The following F13B variants were observed in gnomAD, a reference collection of about 807,000 sequenced individuals.
The protein encoded by F13B is coagulation factor XIII B chain, also known as TGase.
A neutral mutation model predicts 79.8 loss-of-function variants in F13B; 58 were observed. The observed-to-expected ratio is 0.73, with a 90% CI of 0.59 to 0.90. The LOEUF (loss-of-function observed/expected upper bound fraction) is 0.90. Among genes scored for constraint, F13B ranks in the 40% least tolerant of loss-of-function variants. The probability of loss-of-function intolerance (pLI) is 0.00; values close to 1 mark genes in which losing one functional copy is unlikely to be tolerated. For synonymous variants in F13B, 283 were observed against 260.3 expected (o/e 1.09, Z -0.84); for missense variants, 773 against 777.0 (o/e 0.99, Z 0.06).
chr1:197,045,618 C>T (rs910070747), intron 10 of F13B, among the ~76,000 whole-genome samples: 1 of 152,252 alleles, frequency 6.6e-6, no homozygotes, highest in Middle Eastern at 3.4e-3. Flanking sequence ...TGAAACTATT[C>T]CAATCAATAG....
chr1:197,045,523 C>T (rs1433163007), intron 10 of F13B, among the ~76,000 whole-genome samples: 1 of 151,916 alleles, frequency 6.6e-6, no homozygotes, highest in Non-Finnish European at 1.5e-5. Flanking sequence ...AATTAATAGC[C>T]TACAAATCAA....
intron 10 of F13B, among the ~76,000 whole-genome samples, chr1:197,042,544 C>T (rs1207123994): frequency 1.3e-4 from 20 of 150,674 alleles, no homozygotes; most frequent in Admixed American, 1.2e-3. Flanking sequence ...TGAGGCTGGG[C>T]GTGGTGACTC....
rs547096748 is a variant in F13B, at chr1:197,065,628, T to C, written c.64+1532A>G. Among the ~76,000 whole-genome samples, 3 of 152,248 alleles carry C rather than the reference T, an allele frequency of 2.0e-5. No individual in the cohort carries two copies. The East Asian group carries it at 5.8e-4, about 29-fold the overall frequency. Reference sequence around the variant, plus strand: ...CCATTCTGCAAAAGTAATCTCTCATTACAGAAATCAAGTACAAGAATAGAC... The same window carrying C: ...CCATTCTGCAAAAGTAATCTCTCATCACAGAAATCAAGTACAAGAATAGAC... On this transcript the variant is annotated intron_variant, in intron 1 of 11. Coordinates refer to ENST00000367412, the MANE Select transcript of F13B (RefSeq NM_001994.3).
Position 197,065,200 on chromosome 1 carries a change from G to T in F13B, c.64+1960C>A, listed in dbSNP as rs1242982813. Among the ~76,000 whole-genome samples the T allele has an allele frequency of 2.6e-5, 4 of 152,234 alleles. No individual in the cohort carries two copies. The East Asian group carries it at 7.7e-4, about 29-fold the overall frequency. ...GGGCACAGTTGCTTGTCAGGGAGGG[G>T]CAGCAAAGTATTCTCTGCACAACAA... is the stretch of plus-strand genomic sequence containing the variant. On this transcript the variant is annotated intron_variant, in intron 1 of 11. Coordinates refer to ENST00000367412, the MANE Select transcript of F13B (RefSeq NM_001994.3).
rs1365719322 is a variant in F13B at position 197,061,051 on chromosome 1, T to C, written c.476A>G (p.Tyr159Cys). 6.3e-7 allele frequency: 1 copy of C among 1,576,818 alleles called. No homozygotes were observed. Among genetic ancestry groups the C allele is most frequent in the Non-Finnish European group, 8.7e-7 (1 of 1,153,452 alleles). Reference sequence around the variant, plus strand: ...CTGTGTTGTGGAATAATTTCCATTATATAATTCAGGAGCCAAACATGTTTC... The same window carrying C: ...CTGTGTTGTGGAATAATTTCCATTACATAATTCAGGAGCCAAACATGTTTC... ...EHETCLAPEL[Y>C]NGNYSTTQKT... The change falls in exon 4 of 12, where the codon TAT (tyrosine) becomes TGT (cysteine). Residue 159 changes from tyrosine to cysteine, a missense_variant. Transcript: ENST00000367412.
intron 4 of F13B, 66 bp from the exon 5 acceptor site, chr1:197,060,608 C>G: frequency 8.8e-7 from 1 of 1,142,086 alleles, no homozygotes; most frequent in Non-Finnish European, 1.3e-6. Context: ...ACAAAATGCA[C>G]TATTTACATG....
intron 9 of F13B, among the ~76,000 whole-genome samples, chr1:197,051,767 A>T (rs1456098817): frequency 6.6e-6 from 1 of 152,136 alleles, no homozygotes; most frequent in Non-Finnish European, 1.5e-5. Context: ...TTCTCTAAAG[A>T]TCAGCGATGT....
At position 197,057,318 on chromosome 1, in the gene F13B, T is replaced by A; in HGVS notation, c.953A>T (p.Asp318Val). ...TTTTGGAGGTTCTGTCCATTTTCCATCTTCACAACGTATTTCTGCTGACCC... is the reference window on the plus strand; with the variant it reads ...TTTTGGAGGTTCTGTCCATTTTCCAACTTCACAACGTATTTCTGCTGACCC... ...IHGSAEIRCE[D>V]GKWTEPPKCI... is the part of the protein sequence containing the mutation. Residue 318 changes from aspartate (D) to valine (V), a missense_variant, in exon 6 of 12, where the codon GAT becomes GTT. Asp to Val is a radical substitution (Grantham distance 152, BLOSUM62 -3). Coordinates refer to ENST00000367412, the MANE Select transcript of F13B (RefSeq NM_001994.3). The A allele has an allele frequency of 6.2e-7, 1 of 1,613,960 alleles. No homozygotes were observed. Among genetic ancestry groups the A allele is most frequent in the Admixed American group, 1.7e-5 (1 of 59,974 alleles).
At chr1:197,062,547 T>C (rs17549256) in intron 2 of F13B, among the ~76,000 whole-genome samples, 207 of 152,308 alleles carry the variant, frequency 1.4e-3, no homozygotes, top group Admixed American at 6.1e-3. Context: ...TGCTTAATTA[T>C]CAAAATAAGT....
intron 8 of F13B, among the ~76,000 whole-genome samples, chr1:197,054,163 C>G (rs555843257): frequency 6.6e-6 from 1 of 152,104 alleles, no homozygotes; most frequent in South Asian, 2.1e-4. Context: ...TCATTAGGAC[C>G]AAACCTAACT....
intron 10 of F13B, among the ~76,000 whole-genome samples, chr1:197,044,774 C>A (rs1033025205): frequency 3.3e-5 from 5 of 152,050 alleles, no homozygotes; most frequent in African/African-American, 1.2e-4. Context: ...CACTCTTTGG[C>A]AAATGAAAAA....
chr1:197,055,671 C>T (rs1051102372), intron 8 of F13B, 44 bp downstream of exon 8: 9 of 1,587,522 alleles, frequency 5.7e-6, no homozygotes, highest in Non-Finnish European at 7.8e-6. Context: ...AAGAAAATCA[C>T]ATAAAAGTAC....
At chr1:197,043,314 A>T (rs1356848603) in intron 10 of F13B, among the ~76,000 whole-genome samples, 1 of 152,194 alleles carries the variant, frequency 6.6e-6, no homozygotes, top group Non-Finnish European at 1.5e-5. Flanking sequence ...TTCTAATTGT[A>T]TTAAAACCAA....
At chr1:197,057,729 T>A (rs899246545) in intron 5 of F13B, among the ~76,000 whole-genome samples, 2 of 152,044 alleles carry the variant, frequency 1.3e-5, no homozygotes, top group South Asian at 2.1e-4. Flanking sequence ...TTATGTAACA[T>A]CAGTTTTTAA....
At chr1:197,049,632 A>T (rs1245711852) in intron 10 of F13B, among the ~76,000 whole-genome samples, 1 of 152,084 alleles carries the variant, frequency 6.6e-6, no homozygotes, top group African/African-American at 2.4e-5. Flanking sequence ...TTAACTCTTA[A>T]AATTATAAAG....
At chr1:197,040,811 C>T (rs1655013337) in intron 10 of F13B, 76 bp from the exon 11 acceptor site, 7 of 1,222,320 alleles carry the variant, frequency 5.7e-6, no homozygotes, top group African/African-American at 1.5e-5. Flanking sequence ...GAACAGGAAT[C>T]GTTGTGTTGC....
At chr1:197,040,075 G>C (rs1282801693) in intron 11 of F13B, 2 of 159,408 alleles carry the variant, frequency 1.3e-5, no homozygotes, top group East Asian at 3.7e-4. Flanking sequence ...TGTCATATGA[G>C]GAAACACTTT....
Position 197,063,019 on chromosome 1 carries a change from T to A in F13B, c.103A>T (p.Ile35Phe). 6.2e-7 allele frequency: 1 copy of A among 1,612,818 alleles called. No individual in the cohort carries two copies. Among genetic ancestry groups the A allele is most frequent in the Non-Finnish European group, 8.5e-7 (1 of 1,179,636 alleles). Reference protein sequence around the residue: ...CGFPHVENGRIAQYYYTFKSF... With the variant: ...CGFPHVENGRFAQYYYTFKSF... ...TTAAAAGTATAGTAATATTGGGCAATTCTTCCATTTTCCACATGAGGAAAA... is the reference window on the plus strand; with the variant it reads ...TTAAAAGTATAGTAATATTGGGCAAATCTTCCATTTTCCACATGAGGAAAA... The change falls in exon 2 of 12, where the codon ATT becomes TTT. Residue 35 changes from isoleucine to phenylalanine, a missense_variant. By Grantham distance (21) the Ile-to-Phe change is conservative (BLOSUM62 0). Transcript: ENST00000367412.
At chr1:197,060,244 T>G in intron 5 of F13B, 122 bp downstream of exon 5, 1 of 639,548 alleles carries the variant, frequency 1.6e-6, no homozygotes, top group Non-Finnish European at 2.7e-6. Flanking sequence ...AAGATAATAT[T>G]TATTTTAAAA....
Sources: gnomAD v4.1 joint callset for allele counts (sites outside exome capture counted in the v4.1 genomes callset) on GRCh38, gnomAD v4.1.1 for gene constraint, MANE v1.5 for transcripts, NCBI Gene and HGNC (gene_info 2026-07-23, HGNC 2026-07-21) for gene names.